TEC: variants seen among roughly 807,000 people sequenced by gnomAD.
TEC encodes the protein tyrosine-protein kinase Tec.
In TEC, 72 loss-of-function variants were observed where a neutral mutation model predicts 93.0. That is an observed-to-expected ratio of 0.77 (90% CI 0.64 to 0.94). The LOEUF (loss-of-function observed/expected upper bound fraction) is 0.94, where lower values mean the gene tolerates loss of function less well. TEC is among the 40% of genes least tolerant of loss of function. The pLI is 0.00. For synonymous variants in TEC, 249 were observed against 247.7 expected (o/e 1.01, Z -0.05); for missense variants, 630 against 757.9 (o/e 0.83, Z 1.98).
chr4:48,265,762 C>T (rs1406895498), intron 1 of TEC, among the ~76,000 whole-genome samples: 2 of 152,122 alleles, frequency 1.3e-5, no homozygotes, highest in Non-Finnish European at 2.9e-5. Context: ...ATCGGCCTGC[C>T]TTGGCCTCCC....
chr4:48,163,819 G>GAAAC (rs1318975953), intron 7 of TEC, 52 bp from the exon 8 acceptor site: 1 of 855,508 alleles, frequency 1.2e-6, no homozygotes, highest in Admixed American at 4.5e-5. Flanking sequence ...GGAGGTTATT[G>GAAAC]AAAGAAAGAA....
At chr4:48,238,805 T>C (rs1723855792) in intron 1 of TEC, among the ~76,000 whole-genome samples, 1 of 151,762 alleles carries the variant, frequency 6.6e-6, no homozygotes, top group African/African-American at 2.4e-5. Context: ...GTAGAAGTTA[T>C]ATGTACTCCT....
intron 2 of TEC, among the ~76,000 whole-genome samples, chr4:48,195,212 G>A (rs1722256689): frequency 6.6e-6 from 1 of 152,180 alleles, no homozygotes; most frequent in East Asian, 1.9e-4. Flanking sequence ...TTACTTGGTT[G>A]GGTAATGGGT....
intron 3 of TEC, among the ~76,000 whole-genome samples, chr4:48,174,173 C>G (rs1721228840): frequency 6.6e-6 from 1 of 152,146 alleles, no homozygotes; most frequent in Admixed American, 6.5e-5. Flanking sequence ...ATTTATTCAT[C>G]TCAACAATTT....
intron 1 of TEC, among the ~76,000 whole-genome samples, chr4:48,267,412 G>A (rs1164482352): frequency 5.3e-5 from 8 of 152,338 alleles, no homozygotes; most frequent in East Asian, 1.9e-4. Flanking sequence ...AAGCACAGGC[G>A]TGTTTGGAGG....
intron 2 of TEC, among the ~76,000 whole-genome samples, chr4:48,216,036 T>C (rs1474784863): frequency 1.3e-5 from 2 of 152,166 alleles, no homozygotes; most frequent in Admixed American, 6.6e-5. Context: ...AAATCAACTA[T>C]CTCCTTGTAT....
chr4:48,156,891 G>T (rs528021830), intron 8 of TEC, among the ~76,000 whole-genome samples, 157 bp from the exon 9 acceptor site: 1 of 152,140 alleles, frequency 6.6e-6, no homozygotes, highest in East Asian at 1.9e-4. Context: ...TAATAATTTT[G>T]ATGTATATAC....
At chr4:48,227,289 G>GA (rs1164675633) in intron 2 of TEC, among the ~76,000 whole-genome samples, 5 of 151,452 alleles carry the variant, frequency 3.3e-5, no homozygotes, top group African/African-American at 4.8e-5. Flanking sequence ...ATCAGTGGGA[G>GA]AAAAAAAATA....
intron 2 of TEC, among the ~76,000 whole-genome samples, chr4:48,207,761 C>G (rs1722764580): frequency 6.6e-6 from 1 of 152,124 alleles, no homozygotes; most frequent in African/African-American, 2.4e-5. Flanking sequence ...GCACTCCAGC[C>G]TGGGCGACAG....
intron 2 of TEC, among the ~76,000 whole-genome samples, chr4:48,210,521 TGAG>T (rs749110897): frequency 2.4e-5 from 3 of 125,452 alleles, no homozygotes; most frequent in East Asian, 2.8e-4. Context: ...AGGAGGATGA[TGAG>T]GAGGAGGAGG....
intron 16 of TEC, 38 bp from the exon 17 acceptor site, chr4:48,138,860 C>G (rs1245807034): frequency 1.2e-6 from 2 of 1,613,574 alleles, no homozygotes; most frequent in East Asian, 4.5e-5. Context: ...GATGTATCCA[C>G]TTTCTCCTCA....
chr4:48,217,548 G>A (rs986726359), intron 2 of TEC, among the ~76,000 whole-genome samples: 32 of 152,288 alleles, frequency 2.1e-4, no homozygotes, highest in African/African-American at 7.2e-4. Context: ...GGACTCTTAC[G>A]TGAAGTCATT....
chr4:48,183,591 C>T (rs1482266980), intron 2 of TEC, among the ~76,000 whole-genome samples: 2 of 152,192 alleles, frequency 1.3e-5, no homozygotes, highest in African/African-American at 2.4e-5. Flanking sequence ...GACTTTGGTG[C>T]TCCTGGCTCT....
chr4:48,252,348 C>T (rs1724225926), intron 1 of TEC, among the ~76,000 whole-genome samples: 3 of 152,160 alleles, frequency 2.0e-5, no homozygotes. Flanking sequence ...ATTAAATTGG[C>T]AAAGGCCATA....
chr4:48,256,696 A>G (rs1035229361), intron 1 of TEC, among the ~76,000 whole-genome samples: 1 of 152,114 alleles, frequency 6.6e-6, no homozygotes, highest in African/African-American at 2.4e-5. Flanking sequence ...CTGTTGCAGT[A>G]AATAAGCAAA....
chr4:48,181,927 T>G (rs1721606368), intron 2 of TEC, among the ~76,000 whole-genome samples: 1 of 152,176 alleles, frequency 6.6e-6, no homozygotes, highest in Non-Finnish European at 1.5e-5. Context: ...AGACTATTCT[T>G]TAGAATTTCT....
chr4:48,218,579 A>G (rs1180298929), intron 2 of TEC, among the ~76,000 whole-genome samples: 24 of 152,344 alleles, frequency 1.6e-4, no homozygotes, highest in Admixed American at 1.2e-3. Flanking sequence ...GTGCTGAAAG[A>G]TACAAACCTT....
chr4:48,193,598 T>C (rs1005870643), intron 2 of TEC, among the ~76,000 whole-genome samples: 49 of 152,032 alleles, frequency 3.2e-4, no homozygotes, highest in African/African-American at 1.1e-3. Flanking sequence ...TTTTGGCCTG[T>C]TTTTTTGTTT....
At chr4:48,165,458 G>T (rs778217359) in intron 7 of TEC, among the ~76,000 whole-genome samples, 3 of 152,136 alleles carry the variant, frequency 2.0e-5, no homozygotes, top group Non-Finnish European at 4.4e-5. Context: ...AACCCCTAAT[G>T]AAATAATGAC....
Sources: gnomAD v4.1 joint callset for allele counts (sites outside exome capture counted in the v4.1 genomes callset) on GRCh38, gnomAD v4.1.1 for gene constraint, MANE v1.5 for transcripts, NCBI Gene and HGNC (gene_info 2026-07-23, HGNC 2026-07-21) for gene names.